Variants in CSF1R observed in about 807,000 individuals in gnomAD.
CSF1R encodes the protein colony stimulating factor 1 receptor, also known as macrophage colony-stimulating factor 1 receptor.
CSF1R carries 40 observed loss-of-function variants against 110.0 expected under a neutral mutation model. The ratio of observed to expected loss-of-function variants is 0.36; its 90% CI spans 0.28 to 0.47. CSF1R has a LOEUF of 0.47. CSF1R is among the 20% of genes least tolerant of loss of function. The probability of loss-of-function intolerance (pLI) is 0.99; values close to 1 mark genes in which losing one functional copy is unlikely to be tolerated. For synonymous variants in CSF1R, 523 were observed against 503.4 expected (o/e 1.04, Z -0.52); for missense variants, 1,052 against 1,253.0 (o/e 0.84, Z 2.42).
At chr5:150,068,389 C>T in intron 9 of CSF1R, 59 bp from the exon 10 acceptor site, 1 of 1,166,776 alleles carries the variant, frequency 8.6e-7, no homozygotes, top group South Asian at 1.3e-5. Flanking sequence ...CCCCTGAGGT[C>T]AGGCCTGCAC....
At chr5:150,083,593 T>C (rs1317205381) in intron 1 of CSF1R, among the ~76,000 whole-genome samples, 1 of 151,928 alleles carries the variant, frequency 6.6e-6, no homozygotes, top group African/African-American at 2.4e-5. Flanking sequence ...TTCTTTCTCT[T>C]GGGACTGGAC....
chr5:150,057,015 T>G (rs1018870061), intron 16 of CSF1R, among the ~76,000 whole-genome samples: 2 of 152,156 alleles, frequency 1.3e-5, no homozygotes, highest in Non-Finnish European at 2.9e-5. Flanking sequence ...CTGTTGTCTC[T>G]CATACACTAT....
intron 19 of CSF1R, among the ~76,000 whole-genome samples, chr5:150,054,993 CAAAAA>C (rs11342950): frequency 5.3e-5 from 4 of 74,794 alleles, no homozygotes; most frequent in East Asian, 8.0e-4. Flanking sequence ...GATGCTGTCT[CAAAAA>C]AAAAAAAAAA....
Position 150,073,239 on chromosome 5 carries a change from G to A in CSF1R, c.1082+62C>T, listed in dbSNP as rs964620717. On this transcript the variant is annotated intron_variant, in intron 6 of 20. Transcript: ENST00000675795. ...TGGGACATGAGCCAAGCGTCCTGAT[G>A]CTTGCTGAAGCATACCCCATCTGGT... 10 of 1,524,716 alleles carry A rather than the reference G, an allele frequency of 6.6e-6. No individual in the cohort carries two copies. In the Admixed American group the frequency reaches 1.1e-4, roughly 16 times the overall value. 94.4% of individuals were successfully genotyped at this position (1,524,716 alleles called of 1,614,324 possible).
chr5:150,094,260 C>T, intron 1 of CSF1R: 3 of 1,274,610 alleles, frequency 2.4e-6, no homozygotes, highest in Non-Finnish European at 3.3e-6. Context: ...GGTGTATATG[C>T]ACTTTAGAAC....
At chr5:150,105,115 C>T (rs1370036712) in intron 1 of CSF1R, among the ~76,000 whole-genome samples, 1 of 151,456 alleles carries the variant, frequency 6.6e-6, no homozygotes, top group African/African-American at 2.4e-5. Context: ...TTGGGAGGCC[C>T]AGGCAGGTGG....
intron 1 of CSF1R, among the ~76,000 whole-genome samples, chr5:150,108,791 G>A (rs1451718739): frequency 6.6e-6 from 1 of 151,858 alleles, no homozygotes; most frequent in Non-Finnish European, 1.5e-5. Flanking sequence ...AGCCCTGCAG[G>A]AGAAGGCGAG....
At chr5:150,106,423 G>A (rs1007210124) in intron 1 of CSF1R, among the ~76,000 whole-genome samples, 63 of 152,232 alleles carry the variant, frequency 4.1e-4, no homozygotes, top group African/African-American at 1.5e-3. Context: ...CTCCTGCCCA[G>A]TTAACCCCAA....
In CSF1R at chr5:150,080,971, C is replaced by T. The variant is rs1331779557; in HGVS notation, c.103G>A (p.Gly35Arg). The T allele has an allele frequency of 1.2e-6, 2 of 1,614,122 alleles. No individual in the cohort carries two copies. The highest frequency in any genetic ancestry group is 3.3e-5 in the Admixed American group (2 of 60,020). ...PSVPELVVKPGATVTLRCVGN... is the reference protein window; with the variant it reads ...PSVPELVVKPRATVTLRCVGN... ...ACACATCGCAAGGTCACCGTTGCTC[C>T]TGGCTTCACGACCAGCTCAGGGACA... Residue 35 changes from glycine to arginine, a missense_variant, in exon 2 of 21, where the codon GGA becomes AGA. Physicochemically the swap from Gly to Arg is moderately radical, Grantham distance 125. Coordinates refer to ENST00000675795, the MANE Select transcript of CSF1R (RefSeq NM_001288705.3).
At chr5:150,082,991 C>G (rs1581327313) in intron 1 of CSF1R, among the ~76,000 whole-genome samples, 2 of 152,126 alleles carry the variant, frequency 1.3e-5, no homozygotes, top group African/African-American at 4.8e-5. Flanking sequence ...TCTCTAGACC[C>G]TGCCTTGGCC....
chr5:150,087,300 TGG>T (rs758051906), upstream of CSF1R, among the ~76,000 whole-genome samples: 11 of 152,246 alleles, frequency 7.2e-5, no homozygotes, highest in Non-Finnish European at 1.6e-4. Context: ...CAGGTTGGTC[TGG>T]GAGAGCCTGA....
chr5:150,057,681 C>G, intron 14 of CSF1R, 89 bp from the exon 15 acceptor site: 6 of 881,822 alleles, frequency 6.8e-6, no homozygotes, highest in Non-Finnish European at 1.1e-5. Flanking sequence ...ACCCCATGGT[C>G]AACTGGAACC....
Position 150,068,304 on chromosome 5 carries a change from A to G in CSF1R, c.1537T>C (p.Phe513Leu). 1 of 1,612,832 alleles carries G rather than the reference A, an allele frequency of 6.2e-7. No individual in the cohort carries two copies. Among genetic ancestry groups the G allele is most frequent in the South Asian group, 1.1e-5 (1 of 91,012 alleles). ...GCGACCACCACTGGTGTGAAGAGGA[A>G]CTCATCCGGGGGATGCGTGTGGGCT... ...AGAHTHPPDE[F>L]LFTPVVVACM... Residue 513 changes from phenylalanine to leucine, a missense_variant, in exon 10 of 21, where the codon TTC becomes CTC. This residue lies in a region of CSF1R where 693 missense variants were observed against 735.4 expected (regional missense o/e 0.94). Coordinates refer to ENST00000675795, the MANE Select transcript of CSF1R (RefSeq NM_001288705.3).
Position 150,053,818 on chromosome 5 carries a change from C to G in CSF1R, c.*251G>C. The stretch of plus-strand genomic sequence containing the variant: ...GGCATAGCAAACACGAGGCCAACAC[C>G]ATGAGAACAGTAGGGGAGGGGGGGG... On this transcript the variant is annotated 3_prime_UTR_variant, in exon 21 of 21. Coordinates refer to ENST00000675795, the MANE Select transcript of CSF1R (RefSeq NM_001288705.3). 1.8e-6 allele frequency: 1 copy of G among 559,446 alleles called. No individual in the cohort carries two copies. Among genetic ancestry groups the G allele is most frequent in the South Asian group, 2.0e-5 (1 of 49,060 alleles). The allele number at this position is 559,446 out of a possible 1,614,324, so 34.7% of individuals were successfully genotyped here. A position where few individuals can be genotyped will look rare whatever the true frequency, so the allele number is the denominator to read the frequency against.
chr5:150,073,338 G>T lies in CSF1R; in HGVS notation c.1045C>A (p.Pro349Thr), dbSNP rs756959788. The T allele has an allele frequency of 6.2e-7, 1 of 1,613,998 alleles. No individual in the cohort carries two copies. Among genetic ancestry groups the T allele is most frequent in the African/African-American group, 1.3e-5 (1 of 75,018 alleles). ...TTGGTGGTAGCATTAGCAAGCTTGG[G>T]CTCAGGCTGGTGGTCAGAAAAGGGT... ...LGPFSDHQPE[P>T]KLANATTKDT... Residue 349 changes from proline to threonine, a missense_variant, in exon 6 of 21, where the codon CCC becomes ACC. By Grantham distance (38) the Pro-to-Thr change is conservative (BLOSUM62 -1). Coordinates refer to ENST00000675795, the MANE Select transcript of CSF1R (RefSeq NM_001288705.3).
At chr5:150,065,644 G>A (rs1405083658) in intron 10 of CSF1R, among the ~76,000 whole-genome samples, 2 of 152,198 alleles carry the variant, frequency 1.3e-5, no homozygotes, top group Non-Finnish European at 2.9e-5. Context: ...CAGGCACTTA[G>A]CACGGGCATG....
Position 150,057,499 on chromosome 5 carries a change from C to T in CSF1R, c.2221+5G>A. The T allele has an allele frequency of 6.2e-7, 1 of 1,614,052 alleles. No homozygotes were observed. The highest frequency in any genetic ancestry group is 8.5e-7 in the Non-Finnish European group (1 of 1,179,872). On this transcript the variant is annotated splice_donor_5th_base_variant and intron_variant, in intron 15 of 20. Coordinates refer to ENST00000675795, the MANE Select transcript of CSF1R (RefSeq NM_001288705.3). ...AAATGGGGCCTGGCCCTGGGACCTC[C>T]TCACCTTGCTCAGAGAAGGAGTCAT...
At chr5:150,093,764 A>C (rs1381205116) in intron 1 of CSF1R, among the ~76,000 whole-genome samples, 1 of 152,190 alleles carries the variant, frequency 6.6e-6, no homozygotes, top group Non-Finnish European at 1.5e-5. Flanking sequence ...GTACTCCATA[A>C]ACATGTACAA....
At chr5:150,098,203 A>C (rs575458221) in intron 1 of CSF1R, among the ~76,000 whole-genome samples, 236 of 152,352 alleles carry the variant, frequency 1.5e-3, no homozygotes, top group Non-Finnish European at 2.6e-3. Flanking sequence ...GAAAAAAATA[A>C]AAATCAAACA....
Sources: gnomAD v4.1 joint callset for allele counts (sites outside exome capture counted in the v4.1 genomes callset) on GRCh38, gnomAD v4.1.1 for gene constraint, gnomAD v4.1.1 regional missense constraint, MANE v1.5 for transcripts, NCBI Gene and HGNC (gene_info 2026-07-23, HGNC 2026-07-21) for gene names.